DLG2: variants seen among roughly 807,000 people sequenced by gnomAD.
DLG2 encodes discs large MAGUK scaffold protein 2.
A neutral mutation model predicts 132.5 loss-of-function variants in DLG2; 45 were observed. The observed-to-expected ratio is 0.34, with a 90% CI of 0.27 to 0.44. The LOEUF (loss-of-function observed/expected upper bound fraction) is 0.44, where lower values mean the gene tolerates loss of function less well. Ranked by LOEUF, DLG2 falls within the 20% of genes least tolerant of loss-of-function variation. The probability of loss-of-function intolerance (pLI) is 1.00; values close to 1 mark genes in which losing one functional copy is unlikely to be tolerated. For missense variants in DLG2, 1,045 were observed against 1,196.9 expected, an observed-to-expected ratio of 0.87 and a Z score of 1.87; for synonymous variants, 424 against 419.6, an observed-to-expected ratio of 1.01 and a Z score of -0.13.
At position 83,790,622 on chromosome 11, in the gene DLG2, A is replaced by G. The variant is rs2153898830; in HGVS notation, c.1723-3830T>C. Reference sequence around the variant, plus strand: ...CACTGAAGTTCCTTTGGATTTGATTATTTTGCATTGGAGGTAGCAATGGTG... The same window carrying G: ...CACTGAAGTTCCTTTGGATTTGATTGTTTTGCATTGGAGGTAGCAATGGTG... On this transcript the variant is annotated intron_variant, in intron 17 of 27. Coordinates refer to ENST00000376104, the MANE Select transcript of DLG2 (RefSeq NM_001142699.3). 5 of 1,296,648 alleles carry G rather than the reference A, an allele frequency of 3.9e-6. No individual in the cohort carries two copies. The East Asian group carries it at 1.2e-4, about 30-fold the overall frequency. 80.3% of individuals were successfully genotyped at this position (1,296,648 alleles called of 1,614,324 possible).
Position 85,115,615 on chromosome 11 carries a change from A to C in DLG2, c.283-3880T>G, listed in dbSNP as rs115143931. 8.2e-3 allele frequency among the ~76,000 whole-genome samples: 1,240 copies of C among 152,058 alleles called. 18 individuals are homozygous for C. Among genetic ancestry groups the C allele is most frequent in the African/African-American group, 0.027 (1,123 of 41,514 alleles). ...AAATTATACAGAGGAATTGAGGCAAAAGGTGGAAGTATTTAACTCTGGCTG... is the reference window on the plus strand; with the variant it reads ...AAATTATACAGAGGAATTGAGGCAACAGGTGGAAGTATTTAACTCTGGCTG... On this transcript the variant is annotated intron_variant, in intron 5 of 27. Transcript: ENST00000376104.
intron 7 of DLG2, among the ~76,000 whole-genome samples, chr11:84,259,560 C>A (rs1289406234): frequency 6.6e-6 from 1 of 152,110 alleles, no homozygotes; most frequent in Non-Finnish European, 1.5e-5. Context: ...GTTCATCCTG[C>A]AGACTGTGTC....
Position 84,642,303 on chromosome 11 carries a change from T to C in DLG2, c.358-107572A>G, listed in dbSNP as rs547003453. The stretch of plus-strand genomic sequence containing the variant: ...GCAAAGTCCTGAAAAATAATACTTA[T>C]AGTAAACTAAAGCCAACTCCTGCAG... On this transcript the variant is annotated intron_variant, in intron 6 of 27. Coordinates refer to ENST00000376104, the MANE Select transcript of DLG2 (RefSeq NM_001142699.3). Among the ~76,000 whole-genome samples, 69 of 151,974 alleles carry C rather than the reference T, an allele frequency of 4.5e-4. No individual in the cohort carries two copies. The South Asian group carries it at 0.013, about 28-fold the overall frequency.
At chr11:83,494,398 G>T (rs879603926) in intron 21 of DLG2, among the ~76,000 whole-genome samples, 2 of 150,540 alleles carry the variant, frequency 1.3e-5, no homozygotes, top group Non-Finnish European at 1.5e-5. Context: ...CCAGGATGCA[G>T]GAGCTGTCCT....
At chr11:85,006,255 G>A (rs957695306) in intron 6 of DLG2, among the ~76,000 whole-genome samples, 1 of 152,194 alleles carries the variant, frequency 6.6e-6, no homozygotes, top group Non-Finnish European at 1.5e-5. Context: ...ATTAGTTAGA[G>A]AGAAGTCCTT....
At chr11:83,499,460 A>G (rs1217311642) in intron 21 of DLG2, among the ~76,000 whole-genome samples, 1 of 152,150 alleles carries the variant, frequency 6.6e-6, no homozygotes, top group East Asian at 1.9e-4. Context: ...GTTAAAAATT[A>G]TGAATAGTTT....
In DLG2 at chr11:84,298,931, C is replaced by T. The variant is rs933535579; in HGVS notation, c.520-47640G>A. The stretch of plus-strand genomic sequence containing the variant: ...AGATTGGGGCCAAATTGAAGACAAC[C>T]TTGAATGCTTTGCTAGGGAATCCAG... On this transcript the variant is annotated intron_variant, in intron 7 of 27. Transcript: ENST00000376104. Among the ~76,000 whole-genome samples the T allele has an allele frequency of 2.6e-5, 4 of 152,172 alleles. 1 individual carries two copies. The highest frequency in any genetic ancestry group is 1.5e-5 in the Non-Finnish European group (1 of 68,026).
At chr11:84,169,065 T>C (rs529917492) in intron 8 of DLG2, among the ~76,000 whole-genome samples, 49 of 152,216 alleles carry the variant, frequency 3.2e-4, no homozygotes, top group African/African-American at 1.1e-3. Context: ...TTTTGATGAG[T>C]GCGAGTTTGG....
chr11:85,131,746 A>G (rs1160395325), intron 5 of DLG2, among the ~76,000 whole-genome samples: 2 of 152,138 alleles, frequency 1.3e-5, no homozygotes, highest in African/African-American at 4.8e-5. Flanking sequence ...AATATATTTA[A>G]GGTCATACTA....
intron 8 of DLG2, among the ~76,000 whole-genome samples, chr11:84,173,450 C>G (rs2095868044): frequency 6.6e-6 from 1 of 152,186 alleles, no homozygotes; most frequent in Non-Finnish European, 1.5e-5. Flanking sequence ...CACCACCCAT[C>G]TATGCAAATC....
intron 7 of DLG2, among the ~76,000 whole-genome samples, chr11:84,290,688 T>C (rs1363335179): frequency 6.6e-6 from 1 of 152,120 alleles, no homozygotes; most frequent in Non-Finnish European, 1.5e-5. Flanking sequence ...GGGAGAGATA[T>C]TGAGTAACAT....
rs189958314 is a variant in DLG2, at chr11:84,969,008, A to C, written c.357+142653T>G. On this transcript the variant is annotated intron_variant, in intron 6 of 27. Coordinates refer to ENST00000376104, the MANE Select transcript of DLG2 (RefSeq NM_001142699.3). ...GCAGTATATATACAATAATTGCTTC[A>C]GTTGAAAGCCTCTCTACTTAAAGCC... 5.4e-3 allele frequency among the ~76,000 whole-genome samples: 817 copies of C among 152,082 alleles called. 5 individuals carry two copies. Among genetic ancestry groups the C allele is most frequent in the African/African-American group, 0.018 (746 of 41,500 alleles).
chr11:85,194,393 ATAGT>A (rs1230405379), intron 4 of DLG2, among the ~76,000 whole-genome samples: 2 of 152,142 alleles, frequency 1.3e-5, no homozygotes, highest in Non-Finnish European at 2.9e-5. Flanking sequence ...CAGTCAAAAT[ATAGT>A]TATATATTCA....
At chr11:84,520,953 C>A (rs573794798) in intron 7 of DLG2, among the ~76,000 whole-genome samples, 56 of 152,298 alleles carry the variant, frequency 3.7e-4, no homozygotes, top group African/African-American at 1.3e-3. Context: ...CCACACACTG[C>A]CCTGCAGCTC....
chr11:84,561,221 T>C (rs2099428244), intron 6 of DLG2, among the ~76,000 whole-genome samples: 1 of 152,114 alleles, frequency 6.6e-6, no homozygotes, highest in South Asian at 2.1e-4. Flanking sequence ...CTCTTTTGCA[T>C]TATTTCCAAT....
At chr11:85,427,723 G>T (rs534665698) in intron 3 of DLG2, among the ~76,000 whole-genome samples, 4 of 151,666 alleles carry the variant, frequency 2.6e-5, no homozygotes, top group African/African-American at 7.2e-5. Flanking sequence ...ATCAACTAAT[G>T]AGCAAAATAA....
chr11:84,545,345 C>A, intron 6 of DLG2: 1 of 523,198 alleles, frequency 1.9e-6, no homozygotes. Context: ...CTGCTTCCAT[C>A]ATTTACAAAT....
At chr11:83,939,035 C>T (rs2082090780) in intron 14 of DLG2, among the ~76,000 whole-genome samples, 1 of 152,238 alleles carries the variant, frequency 6.6e-6, no homozygotes, top group African/African-American at 2.4e-5. Flanking sequence ...GCATTAGACT[C>T]ACAATGGATC....
intron 3 of DLG2, among the ~76,000 whole-genome samples, chr11:85,422,351 C>A (rs554890014): frequency 6.6e-6 from 1 of 152,234 alleles, no homozygotes; most frequent in South Asian, 2.1e-4. Context: ...TTAACATAAT[C>A]CCAGATTTCT....
Sources: gnomAD v4.1 joint callset for allele counts (sites outside exome capture counted in the v4.1 genomes callset) on GRCh38, gnomAD v4.1.1 for gene constraint, MANE v1.5 for transcripts, NCBI Gene and HGNC (gene_info 2026-07-23, HGNC 2026-07-21) for gene names.